The following ZNF273 variants were observed in gnomAD, a reference collection of about 807,000 sequenced individuals.
ZNF273 encodes the protein zinc finger protein 273.
Under a neutral mutation model 14.9 loss-of-function variants are expected in ZNF273, and 11 were observed. That is an observed-to-expected ratio of 0.74 (90% CI 0.46 to 1.22). The LOEUF is 1.22. Among genes scored for constraint, ZNF273 ranks in the 50% most tolerant of loss-of-function variants. The pLI is 0.00. For missense variants in ZNF273, 577 were observed against 660.6 expected (o/e 0.87, Z 1.39); for synonymous variants, 199 against 223.9 (o/e 0.89, Z 0.99).
downstream of ZNF273, among the ~76,000 whole-genome samples, chr7:64,931,790 AAGTT>A (rs148510946): frequency 9.2e-3 from 1,396 of 152,302 alleles, 16 homozygotes; most frequent in African/African-American, 0.032. Flanking sequence ...ATTCCTGTTG[AAGTT>A]AGTTTGTAAC....
At position 64,917,447 on chromosome 7, in the gene ZNF273, T is replaced by C. The variant is rs1583998683; in HGVS notation, c.103-134T>C. ...AGAATATTTCTGTTTTGAAAATTAT[T>C]TTATTGGATAATTTTAGTCACTCCT... On this transcript the variant is annotated intron_variant, in intron 1 of 3. Transcript: ENST00000476120. 4.5e-6 allele frequency: 6 copies of C among 1,338,620 alleles called. No homozygotes were observed. The East Asian group carries it at 1.2e-4, about 26-fold the overall frequency. The allele number at this position is 1,338,620 out of a possible 1,614,324, so 82.9% of individuals were successfully genotyped here.
intron 1 of ZNF273, among the ~76,000 whole-genome samples, chr7:64,886,888 G>A (rs1791615021): frequency 6.6e-6 from 1 of 152,206 alleles, no homozygotes; most frequent in Non-Finnish European, 1.5e-5. Flanking sequence ...CATCACCAAT[G>A]TTGCCTCCCA....
At chr7:64,914,158 C>T (rs961144415) in intron 1 of ZNF273, among the ~76,000 whole-genome samples, 3 of 148,876 alleles carry the variant, frequency 2.0e-5, no homozygotes, top group Non-Finnish European at 4.4e-5. Flanking sequence ...CAGGCATGCA[C>T]CACTACGTCC....
downstream of ZNF273, among the ~76,000 whole-genome samples, chr7:64,884,264 T>A (rs1387378177): frequency 1.3e-5 from 2 of 152,114 alleles, no homozygotes; most frequent in East Asian, 1.9e-4. Flanking sequence ...GCCGGATTTT[T>A]TGCACTTTAC....
intron 1 of ZNF273, chr7:64,888,234 C>T (rs1012384702): frequency 2.1e-6 from 2 of 946,388 alleles, no homozygotes. Flanking sequence ...CCCCACCCTC[C>T]AGCCAGAGGA....
rs771334881 is a variant in ZNF273 at position 64,903,377 on chromosome 7, A to T, written c.60A>T (p.Arg20Ser). Reference protein sequence around the residue: ...SVAPLPAGIGRSTAKTPGLPG... With the variant: ...SVAPLPAGIGSSTAKTPGLPG... ...CCCCGTTACCTGCAGGTATTGGGAG[A>T]TCCACAGCTAAGACGCCAGGACTCC... The change falls in exon 1 of 4, where the codon AGA becomes AGT. Residue 20 changes from arginine to serine, a missense_variant. Physicochemically the swap from Arg to Ser is moderately radical, Grantham distance 110 (BLOSUM62 -1). Around this residue, in one of 3 missense-constraint regions of ZNF273, gnomAD observed 162 missense variants for 203.5 expected, o/e 0.80. Coordinates refer to ENST00000476120, the MANE Select transcript of ZNF273 (RefSeq NM_021148.3). 1 of 1,613,424 alleles carries T rather than the reference A, an allele frequency of 6.2e-7. No homozygotes were observed. The highest frequency in any genetic ancestry group is 1.1e-5 in the South Asian group (1 of 91,068).
chr7:64,932,899 G>A (rs940848097), downstream of ZNF273, among the ~76,000 whole-genome samples: 4 of 152,014 alleles, frequency 2.6e-5, no homozygotes, highest in Admixed American at 6.5e-5. Context: ...GTAAAACATT[G>A]CAAAATAATA....
At chr7:64,912,006 G>A (rs777838388) in intron 1 of ZNF273, among the ~76,000 whole-genome samples, 5 of 152,174 alleles carry the variant, frequency 3.3e-5, no homozygotes, top group Non-Finnish European at 5.9e-5. Context: ...TCAAGTGCAG[G>A]TTAAGTTCCA....
intron 3 of ZNF273, 127 bp from the exon 4 acceptor site, chr7:64,927,526 AT>A: frequency 1.3e-6 from 1 of 748,516 alleles, no homozygotes. Flanking sequence ...CTGTGAAGGA[AT>A]TAGGGCCTGT....
intron 3 of ZNF273, among the ~76,000 whole-genome samples, chr7:64,926,167 A>G (rs529316080): frequency 8.5e-6 from 1 of 117,016 alleles, no homozygotes; most frequent in Non-Finnish European, 1.8e-5. Flanking sequence ...TTTTTTTTTA[A>G]GGACTTTGAC....
At chr7:64,888,942 A>C (rs954809420), downstream of ZNF273, 9 of 980,312 alleles carry the variant, frequency 9.2e-6, no homozygotes, top group Non-Finnish European at 1.1e-5. Context: ...GGTGGAGCCC[A>C]GGGTGTCCAG....
At chr7:64,890,207 T>TGC (rs1483934111), downstream of ZNF273, 2 of 31,814 alleles carry the variant, frequency 6.3e-5, no homozygotes, top group African/African-American at 1.6e-4. Context: ...TGTGTGTGTG[T>TGC]GTGTGTGTGT....
chr7:64,925,279 C>T (rs960714309), intron 3 of ZNF273, among the ~76,000 whole-genome samples: 8 of 151,738 alleles, frequency 5.3e-5, no homozygotes, highest in African/African-American at 1.5e-4. Flanking sequence ...TGTGTCTTTG[C>T]GATTTTTGTA....
At chr7:64,887,309 G>A (rs1346678968) in intron 1 of ZNF273, among the ~76,000 whole-genome samples, 1 of 152,130 alleles carries the variant, frequency 6.6e-6, no homozygotes, top group Non-Finnish European at 1.5e-5. Context: ...ACCAGCCCCT[G>A]CAATTGCCCT....
chr7:64,912,840 T>TTGTTTTTTG (rs1562959212), intron 1 of ZNF273, among the ~76,000 whole-genome samples: 1,213 of 117,384 alleles, frequency 0.01, 139 homozygotes, highest in African/African-American at 0.033. Flanking sequence ...TTTTTTTTTT[T>TTGTTTTTTG]TTTTTTGAGA....
intron 3 of ZNF273, among the ~76,000 whole-genome samples, chr7:64,921,030 A>G (rs1392760999): frequency 1.3e-5 from 2 of 149,714 alleles, no homozygotes; most frequent in Non-Finnish European, 3.0e-5. Context: ...TTGCTAGTTC[A>G]AATTTTTCTG....
chr7:64,908,754 T>C (rs962200339), intron 1 of ZNF273, among the ~76,000 whole-genome samples: 4 of 152,196 alleles, frequency 2.6e-5, no homozygotes, highest in African/African-American at 9.7e-5. Flanking sequence ...TACTTATAAA[T>C]GAGAACATGT....
chr7:64,907,681 T>C (rs1793213549), intron 1 of ZNF273, among the ~76,000 whole-genome samples: 1 of 152,186 alleles, frequency 6.6e-6, no homozygotes, highest in Non-Finnish European at 1.5e-5. Flanking sequence ...AGAGAATTGC[T>C]TGGTATTCCA....
At position 64,920,326 on chromosome 7, in the gene ZNF273, G is replaced by A. The variant is rs543350801; in HGVS notation, c.325+2034G>A. Among the ~76,000 whole-genome samples, 16 of 152,230 alleles carry A rather than the reference G, an allele frequency of 1.1e-4. No homozygotes were observed. In the South Asian group the frequency reaches 3.3e-3, roughly 32 times the overall value. Reference sequence around the variant, plus strand: ...TATGGTGGGCCTTTTATTAGGATATGGATGAGTGTGGATTTCACTGAGTAC... The same window carrying A: ...TATGGTGGGCCTTTTATTAGGATATAGATGAGTGTGGATTTCACTGAGTAC... On this transcript the variant is annotated intron_variant, in intron 3 of 3. Coordinates refer to ENST00000476120, the MANE Select transcript of ZNF273 (RefSeq NM_021148.3).
Sources: gnomAD v4.1 joint callset for allele counts (sites outside exome capture counted in the v4.1 genomes callset) on GRCh38, gnomAD v4.1.1 for gene constraint, gnomAD v4.1.1 regional missense constraint, MANE v1.5 for transcripts, NCBI Gene and HGNC (gene_info 2026-07-23, HGNC 2026-07-21) for gene names.